Variants in NLRP1 observed in about 807,000 individuals in gnomAD.
NLRP1 encodes the protein NLR family pyrin domain containing 1.
In NLRP1, 94 loss-of-function variants were observed where a neutral mutation model predicts 136.7. The observed-to-expected ratio is 0.69, with a 90% CI of 0.58 to 0.82. NLRP1 has a LOEUF of 0.82. Ranked by LOEUF, NLRP1 falls within the 40% of genes least tolerant of loss-of-function variation. The pLI, the probability that NLRP1 is intolerant of heterozygous loss-of-function variation, is 0.00. For synonymous variants in NLRP1, 690 were observed against 725.1 expected, an observed-to-expected ratio of 0.95 and a Z score of 0.78; for missense variants, 1,575 against 1,802.7, an observed-to-expected ratio of 0.87 and a Z score of 2.29.
intron 4 of NLRP1, among the ~76,000 whole-genome samples, chr17:5,557,316 T>C (rs956846910): frequency 2.8e-4 from 43 of 152,200 alleles, no homozygotes; most frequent in African/African-American, 1.0e-3. Context: ...ACATATCTTT[T>C]TTTTTTTCCT....
intron 15 of NLRP1, among the ~76,000 whole-genome samples, chr17:5,506,685 A>T (rs1907350882): frequency 6.6e-6 from 1 of 150,640 alleles, no homozygotes. Flanking sequence ...TGAGGTCAGG[A>T]GTTTGAGACC....
chr17:5,574,660 C>CT (rs1169415443), intron 3 of NLRP1, among the ~76,000 whole-genome samples: 2,315 of 134,398 alleles, frequency 0.017, 23 homozygotes, highest in South Asian at 0.043. Context: ...ATTCAACATT[C>CT]TTTTTTTTTT....
intron 3 of NLRP1, among the ~76,000 whole-genome samples, chr17:5,567,694 A>G (rs1031308062): frequency 1.7e-4 from 26 of 152,198 alleles, no homozygotes; most frequent in African/African-American, 6.0e-4. Flanking sequence ...TTGCTCATTA[A>G]TGTTCTTCTC....
intron 6 of NLRP1, among the ~76,000 whole-genome samples, chr17:5,540,403 G>A (rs1400655325): frequency 6.6e-6 from 1 of 152,154 alleles, no homozygotes; most frequent in Non-Finnish European, 1.5e-5. Context: ...CCTGTCTGGG[G>A]ATCCTCTGCT....
intron 5 of NLRP1, among the ~76,000 whole-genome samples, chr17:5,551,998 C>T (rs1473103668): frequency 6.6e-6 from 1 of 151,146 alleles, no homozygotes; most frequent in Non-Finnish European, 1.5e-5. Context: ...TGGTCTCAAA[C>T]TCCTGGCCTA....
chr17:5,533,188 C>T, intron 10 of NLRP1, 116 bp downstream of exon 10: 10 of 1,513,246 alleles, frequency 6.6e-6, no homozygotes, highest in Non-Finnish European at 8.9e-6. Flanking sequence ...CAGCCTCCGC[C>T]CATCTCCCCT....
At chr17:5,521,456 C>T in intron 13 of NLRP1, 68 bp downstream of exon 13, 1 of 1,535,618 alleles carries the variant, frequency 6.5e-7, no homozygotes. Context: ...CTCTAGGGGG[C>T]TCTCTGGCTG....
At chr17:5,561,183 A>C (rs1434417163) in intron 3 of NLRP1, among the ~76,000 whole-genome samples, 1 of 152,090 alleles carries the variant, frequency 6.6e-6, no homozygotes, top group East Asian at 1.9e-4. Flanking sequence ...CAGCCCCCAG[A>C]GTAGCTGGGA....
chr17:5,502,020 T>A, intron 15 of NLRP1: 1 of 684,176 alleles, frequency 1.5e-6, no homozygotes, highest in Non-Finnish European at 2.6e-6. Flanking sequence ...GGCCCCGGGG[T>A]GAACCAAGGC....
chr17:5,533,296 G>C lies in NLRP1; in HGVS notation c.3133+8C>G, dbSNP rs763058774. 6.4e-6 allele frequency: 10 copies of C among 1,550,828 alleles called. No individual in the cohort carries two copies. The highest frequency in any genetic ancestry group is 8.7e-6 in the Non-Finnish European group (10 of 1,146,094). On this transcript the variant is annotated splice_region_variant and intron_variant, in intron 10 of 16. Transcript: ENST00000572272. The stretch of plus-strand genomic sequence containing the variant: ...AAGATGAAAGGGGCCAGGCACCGTG[G>C]CTCTTGCCTGCAATCTCAGCAATTG...
chr17:5,531,159 T>TA (rs771187740), intron 11 of NLRP1, among the ~76,000 whole-genome samples: 34 of 146,600 alleles, frequency 2.3e-4, no homozygotes, highest in African/African-American at 5.3e-4. Flanking sequence ...TCTATCTATC[T>TA]ATCTAATCTA....
At chr17:5,511,228 C>T (rs573967611), downstream of NLRP1, among the ~76,000 whole-genome samples, 14 of 152,064 alleles carry the variant, frequency 9.2e-5, no homozygotes, top group South Asian at 1.9e-3. Context: ...GCCAGGAGTT[C>T]GAGACCAGCC....
At chr17:5,554,096 G>A (rs898426529) in intron 4 of NLRP1, among the ~76,000 whole-genome samples, 3 of 152,050 alleles carry the variant, frequency 2.0e-5, no homozygotes, top group African/African-American at 7.3e-5. Flanking sequence ...GATGGCCTGA[G>A]GATGTTGTGA....
At position 5,520,774 on chromosome 17, in the gene NLRP1, C is replaced by T. The variant is rs1445324948; in HGVS notation, c.3915+107G>A. 3 of 1,076,488 alleles carry T rather than the reference C, an allele frequency of 2.8e-6. No individual in the cohort carries two copies. The African/African-American group carries it at 4.8e-5, about 17-fold the overall frequency. 66.7% of individuals were successfully genotyped at this position (1,076,488 alleles called of 1,614,324 possible). On this transcript the variant is annotated intron_variant, in intron 14 of 16. Transcript: ENST00000572272. ...TAAATCCCACTCACTTTCTGTTCAA[C>T]CTCGATTTATCCTGTCCCTGAGAAA... is the stretch of plus-strand genomic sequence containing the variant.
chr17:5,514,891 G>A lies in NLRP1; in HGVS notation c.4285C>T (p.Leu1429=). 6.2e-7 allele frequency: 1 copy of A among 1,614,178 alleles called. No homozygotes were observed. Among genetic ancestry groups the A allele is most frequent in the South Asian group, 1.1e-5 (1 of 91,082 alleles). ...TCCCAGGACTGGCTCAAGCTGAACA[G>A]CTTCCGCATCTGGCTGGGCCTCGTG... ...ENTRPSQMRK[L]FSLSQSWDRK... is the part of the protein sequence containing the mutation. Residue 1429 remains leucine (L), a synonymous_variant, in exon 17 of 17, where the codon CTG becomes TTG. Coordinates refer to ENST00000572272, the MANE Select transcript of NLRP1 (RefSeq NM_033004.4).
chr17:5,507,293 C>T (rs1907392907), intron 15 of NLRP1, among the ~76,000 whole-genome samples: 1 of 151,844 alleles, frequency 6.6e-6, no homozygotes, highest in African/African-American at 2.4e-5. Context: ...TTTTGTTCTC[C>T]CTCAAACTGT....
downstream of NLRP1, among the ~76,000 whole-genome samples, chr17:5,513,854 T>C (rs1240245347): frequency 6.6e-6 from 1 of 152,172 alleles, no homozygotes; most frequent in African/African-American, 2.4e-5. Flanking sequence ...GGACCTCCGG[T>C]TGTCCTCGCT....
rs766261730 is a variant in NLRP1, at chr17:5,559,973, G to A, written c.723C>T (p.Pro241=). 10 of 1,612,750 alleles carry A rather than the reference G, an allele frequency of 6.2e-6. No individual in the cohort carries two copies. Among genetic ancestry groups the A allele is most frequent in the Non-Finnish European group, 8.5e-6 (10 of 1,179,358 alleles). ...GCTGTAGGCTGGTGTGCGCCTGTGGGGGCGTTCCTACCACCGCTGCCCATG... is the reference window on the plus strand; with the variant it reads ...GCTGTAGGCTGGTGTGCGCCTGTGGAGGCGTTCCTACCACCGCTGCCCATG... ...RPPWAAVVGT[P]PQAHTSLQPH... The change falls in exon 4 of 17, where the codon CCC becomes CCT. Residue 241 remains proline (P), a synonymous_variant. Transcript: ENST00000572272.
intron 8 of NLRP1, among the ~76,000 whole-genome samples, chr17:5,535,523 G>GGCCC (rs34960080): frequency 0.056 from 8,505 of 152,126 alleles, 278 homozygotes; most frequent in Middle Eastern, 0.092. Context: ...AGGTCAAATA[G>GGCCC]GCCCATAGGT....
Sources: allele counts gnomAD v4.1 joint callset (sites outside exome capture counted in the v4.1 genomes callset), GRCh38; gene constraint gnomAD v4.1.1; transcripts MANE v1.5; gene names NCBI Gene and HGNC (gene_info 2026-07-23, HGNC 2026-07-21).